CUL1: variants seen among roughly 807,000 people sequenced by gnomAD.
The protein encoded by CUL1 is cullin 1, also known as cullin-1.
A neutral mutation model predicts 118.0 loss-of-function variants in CUL1; 24 were observed. That is an observed-to-expected ratio of 0.20 (90% confidence interval 0.15 to 0.29). The LOEUF (loss-of-function observed/expected upper bound fraction) is 0.29, where lower values mean the gene tolerates loss of function less well. Ranked by LOEUF, CUL1 falls within the 10% of genes least tolerant of loss-of-function variation. The probability of loss-of-function intolerance (pLI) is 1.00; values close to 1 mark genes in which losing one functional copy is unlikely to be tolerated. For missense variants in CUL1, 361 were observed against 933.8 expected (o/e 0.39, Z 7.99); for synonymous variants, 332 against 340.4 (o/e 0.98, Z 0.27).
intron 2 of CUL1, among the ~76,000 whole-genome samples, chr7:148,736,041 G>A (rs1306235650): frequency 6.7e-6 from 1 of 149,330 alleles, no homozygotes; most frequent in Non-Finnish European, 1.5e-5. Flanking sequence ...AGGTGTGGTA[G>A]TGCATGCCTG....
At chr7:148,784,726 G>T (rs1800761505) in intron 11 of CUL1, among the ~76,000 whole-genome samples, 2 of 152,096 alleles carry the variant, frequency 1.3e-5, no homozygotes, top group African/African-American at 4.8e-5. Flanking sequence ...CTGGCTTTCT[G>T]TTGCAATAGT....
intron 2 of CUL1, among the ~76,000 whole-genome samples, chr7:148,733,341 C>T (rs572811031): frequency 6.6e-6 from 1 of 152,284 alleles, no homozygotes; most frequent in East Asian, 1.9e-4. Flanking sequence ...ATTTTACCCC[C>T]TAACTCTTCA....
chr7:148,766,846 G>T (rs1468807756), intron 8 of CUL1, 123 bp downstream of exon 8: 1 of 837,888 alleles, frequency 1.2e-6, no homozygotes, highest in Non-Finnish European at 1.8e-6. Flanking sequence ...AAAGATGCAT[G>T]TGTTTGTACA....
intron 2 of CUL1, among the ~76,000 whole-genome samples, chr7:148,733,823 T>C (rs1275174830): frequency 6.6e-6 from 1 of 152,226 alleles, no homozygotes; most frequent in Non-Finnish European, 1.5e-5. Context: ...GCTAGATTTT[T>C]ACCCATTGTC....
At chr7:148,761,533 T>G (rs1243374027) in intron 7 of CUL1, among the ~76,000 whole-genome samples, 2 of 151,984 alleles carry the variant, frequency 1.3e-5, no homozygotes, top group African/African-American at 4.8e-5. Context: ...AAAAGAAATA[T>G]GGATATCCTG....
chr7:148,738,531 G>A (rs184051266), intron 2 of CUL1, among the ~76,000 whole-genome samples: 6 of 152,142 alleles, frequency 3.9e-5, no homozygotes, highest in Admixed American at 3.3e-4. Context: ...ACCTGCCTGC[G>A]GAGGAGGCCC....
intron 2 of CUL1, among the ~76,000 whole-genome samples, chr7:148,745,246 A>T (rs1019191881): frequency 6.6e-6 from 1 of 152,142 alleles, no homozygotes; most frequent in Non-Finnish European, 1.5e-5. Context: ...TTCATTGATT[A>T]TGAACATATT....
rs1036519734 is a variant in CUL1 at position 148,715,231 on chromosome 7, A to T, written c.-161-14731A>T. 2.6e-5 allele frequency among the ~76,000 whole-genome samples: 4 copies of T among 152,172 alleles called. No homozygotes were observed. In the South Asian group the frequency reaches 8.3e-4, roughly 31 times the overall value. On this transcript the variant is annotated intron_variant, in intron 1 of 21. Coordinates refer to ENST00000325222, the MANE Select transcript of CUL1 (RefSeq NM_003592.3). ...TCCTGAGGATCCTCTTGTGACAGCA[A>T]TGTTGGGAGAGGCAGGTATCTGGTG...
At chr7:148,705,729 G>A (rs1350714883) in intron 1 of CUL1, among the ~76,000 whole-genome samples, 3 of 152,074 alleles carry the variant, frequency 2.0e-5, no homozygotes, top group Non-Finnish European at 4.4e-5. Flanking sequence ...GATCCCAAGT[G>A]GAATTCAGGG....
chr7:148,776,713 T>G (rs1800414238), intron 9 of CUL1, among the ~76,000 whole-genome samples: 1 of 152,160 alleles, frequency 6.6e-6, no homozygotes. Context: ...TGGATGCACG[T>G]CCCTACCCAA....
intron 4 of CUL1, among the ~76,000 whole-genome samples, chr7:148,758,510 A>G (rs993173916): frequency 2.0e-5 from 3 of 152,168 alleles, no homozygotes; most frequent in African/African-American, 7.2e-5. Flanking sequence ...CCAGCCACAC[A>G]TGAGGCTGAG....
chr7:148,725,198 T>TACACACACACACACACACACAC (rs147863334), intron 1 of CUL1, among the ~76,000 whole-genome samples: 6 of 106,754 alleles, frequency 5.6e-5, no homozygotes, highest in African/African-American at 1.9e-4. Context: ...TGCGCGCGTG[T>TACACACACACACACACACACAC]ACACACACAC....
chr7:148,746,564 A>T (rs1584786540), intron 2 of CUL1, among the ~76,000 whole-genome samples: 1 of 152,190 alleles, frequency 6.6e-6, no homozygotes, highest in South Asian at 2.1e-4. Context: ...GGCTCGGAGG[A>T]CAACGTTATG....
At chr7:148,742,983 A>G (rs939840903) in intron 2 of CUL1, among the ~76,000 whole-genome samples, 1 of 152,120 alleles carries the variant, frequency 6.6e-6, no homozygotes, top group African/African-American at 2.4e-5. Flanking sequence ...GCAAATTTTG[A>G]TATGTTGTAT....
chr7:148,736,502 T>C (rs1378395718), intron 2 of CUL1, among the ~76,000 whole-genome samples: 2 of 152,064 alleles, frequency 1.3e-5, no homozygotes, highest in African/African-American at 4.8e-5. Context: ...GGAGTCTTGC[T>C]ATGTTGCCCA....
At chr7:148,736,430 C>T (rs1463106849) in intron 2 of CUL1, among the ~76,000 whole-genome samples, 2 of 152,162 alleles carry the variant, frequency 1.3e-5, no homozygotes, top group Non-Finnish European at 2.9e-5. Context: ...ACCTCAACCT[C>T]CTGAGTAGCT....
intron 1 of CUL1, among the ~76,000 whole-genome samples, chr7:148,726,616 A>G (rs922195818): frequency 6.6e-6 from 1 of 152,134 alleles, no homozygotes; most frequent in Non-Finnish European, 1.5e-5. Context: ...TTCAGACTAG[A>G]GTGTACTAGT....
chr7:148,797,684 ATAC>A, intron 17 of CUL1, 125 bp from the exon 18 acceptor site: 5 of 701,364 alleles, frequency 7.1e-6, no homozygotes, highest in Non-Finnish European at 1.2e-5. Context: ...TCCTTCCAGC[ATAC>A]TCTTCTTTTG....
At chr7:148,738,230 A>G (rs748126972) in intron 2 of CUL1, among the ~76,000 whole-genome samples, 1 of 152,206 alleles carries the variant, frequency 6.6e-6, no homozygotes, top group African/African-American at 2.4e-5. Flanking sequence ...TTACGTTAGT[A>G]GTAGATGCTG....
Sources: allele counts gnomAD v4.1 joint callset (sites outside exome capture counted in the v4.1 genomes callset), GRCh38; gene constraint gnomAD v4.1.1; transcripts MANE v1.5; gene names NCBI Gene and HGNC (gene_info 2026-07-23, HGNC 2026-07-21).